NAALADL2: variants seen among roughly 807,000 people sequenced by gnomAD.
The protein encoded by NAALADL2 is inactive N-acetylated-alpha-linked acidic dipeptidase-like protein 2.
A neutral mutation model predicts 87.2 loss-of-function variants in NAALADL2; 76 were observed. The observed-to-expected ratio is 0.87, with a 90% CI of 0.72 to 1.05. The LOEUF (loss-of-function observed/expected upper bound fraction) is 1.05. Ranked by LOEUF, NAALADL2 falls within the 50% of genes least tolerant of loss-of-function variation. The pLI, the probability that NAALADL2 is intolerant of heterozygous loss-of-function variation, is 0.00. For synonymous variants in NAALADL2, 354 were observed against 331.0 expected, an observed-to-expected ratio of 1.07 and a Z score of -0.75; for missense variants, 1,089 against 945.8, an observed-to-expected ratio of 1.15 and a Z score of -1.99.
chr3:175,356,610 A>AATAATAATAAT (rs1430053359), intron 5 of NAALADL2, among the ~76,000 whole-genome samples: 2 of 118,330 alleles, frequency 1.7e-5, no homozygotes, highest in Non-Finnish European at 3.9e-5. Flanking sequence ...TAATAATAAT[A>AATAATAATAAT]AAGAAATAAA....
rs66682761 is a variant in NAALADL2, at chr3:175,137,607, C to CT, written c.545+40332dup. Among the ~76,000 whole-genome samples the CT allele has an allele frequency of 8.9e-4, 119 of 134,422 alleles. 1 individual carries two copies. Among genetic ancestry groups the CT allele is most frequent in the African/African-American group, 2.4e-3 (86 of 36,582 alleles). The allele number at this position is 134,422 out of a possible 152,430, so 88.2% of individuals were successfully genotyped here. A position where few individuals can be genotyped will look rare whatever the true frequency, so the allele number is the denominator to read the frequency against. Reference sequence around the variant, plus strand: ...GAATTAATATGACAAGAGATTGACCCTTTTTTTTTTTTTTTTGAGACAGAG... The same window carrying CT: ...GAATTAATATGACAAGAGATTGACCCTTTTTTTTTTTTTTTTTGAGACAGAG... On this transcript the variant is annotated intron_variant, in intron 2 of 13. Transcript: ENST00000454872.
At chr3:175,727,776 A>C (rs1743128390) in intron 11 of NAALADL2, among the ~76,000 whole-genome samples, 1 of 152,166 alleles carries the variant, frequency 6.6e-6, no homozygotes, top group Non-Finnish European at 1.5e-5. Flanking sequence ...AGTGGAAGCA[A>C]GGCCTTTGGC....
At chr3:175,358,870 T>G (rs1764676915) in intron 5 of NAALADL2, among the ~76,000 whole-genome samples, 1 of 152,130 alleles carries the variant, frequency 6.6e-6, no homozygotes, top group Non-Finnish European at 1.5e-5. Flanking sequence ...TTAAAAGGTT[T>G]AGGGCCATGC....
chr3:175,507,582 C>T (rs913000831), intron 9 of NAALADL2, among the ~76,000 whole-genome samples: 4 of 151,968 alleles, frequency 2.6e-5, no homozygotes, highest in African/African-American at 2.4e-5. Flanking sequence ...GTAACCATGC[C>T]GAACTAATTT....
chr3:174,787,855 G>A (rs1455097600), intron 3 of NAALADL2, among the ~76,000 whole-genome samples: 3 of 151,470 alleles, frequency 2.0e-5, no homozygotes, highest in African/African-American at 7.3e-5. Flanking sequence ...AGTTGGAAAA[G>A]AAGTAGATTC....
chr3:175,780,342 C>T (rs927831448), intron 13 of NAALADL2, among the ~76,000 whole-genome samples: 28 of 151,710 alleles, frequency 1.8e-4, no homozygotes, highest in Admixed American at 5.9e-4. Context: ...AAACACAACA[C>T]ACTACACACA....
intron 11 of NAALADL2, among the ~76,000 whole-genome samples, chr3:175,702,496 T>G (rs1739132004): frequency 6.6e-6 from 1 of 152,104 alleles, no homozygotes; most frequent in Non-Finnish European, 1.5e-5. Flanking sequence ...AAAGAATCAC[T>G]GCCTACAAAG....
intron 1 of NAALADL2, among the ~76,000 whole-genome samples, chr3:174,492,520 C>T (rs569636918): frequency 1.0e-4 from 14 of 137,074 alleles, no homozygotes; most frequent in African/African-American, 3.4e-4. Flanking sequence ...CCATGAGGGA[C>T]ACCTACTATA....
chr3:174,703,648 C>T (rs1289124546), intron 2 of NAALADL2, among the ~76,000 whole-genome samples: 1 of 152,056 alleles, frequency 6.6e-6, no homozygotes, highest in East Asian at 1.9e-4. Context: ...ATGGTCTGAA[C>T]ATTTTTTAAT....
rs566823905 is a variant in NAALADL2 at position 174,693,963 on chromosome 3, A to G, written c.-114-43678A>G. ...ATCCATTTGCCAGAATTAACATTGG[A>G]ACTGGAAAGCTGTAGTTTCTTCTCT... On this transcript the variant is annotated intron_variant, in intron 2 of 3. Coordinates refer to the NAALADL2 transcript ENST00000434257. 5.3e-4 allele frequency among the ~76,000 whole-genome samples: 81 copies of G among 152,144 alleles called. 1 individual carries two copies. Among genetic ancestry groups the G allele is most frequent in the Non-Finnish European group, 1.6e-4 (11 of 67,966 alleles).
chr3:175,027,228 A>G (rs1017828255), intron 1 of NAALADL2, among the ~76,000 whole-genome samples: 2 of 152,150 alleles, frequency 1.3e-5, no homozygotes, highest in Non-Finnish European at 2.9e-5. Flanking sequence ...GTGCAGATAT[A>G]TCTAGTAAAA....
At chr3:175,469,335 A>G (rs1724543562) in intron 8 of NAALADL2, among the ~76,000 whole-genome samples, 1 of 150,430 alleles carries the variant, frequency 6.6e-6, no homozygotes, top group African/African-American at 2.5e-5. Context: ...AATCCTGAGA[A>G]TGAAAGAGTT....
chr3:175,024,095 T>C (rs13433889), intron 1 of NAALADL2, among the ~76,000 whole-genome samples: 23,060 of 152,030 alleles, frequency 0.15, 2,415 homozygotes, highest in African/African-American at 0.3. Flanking sequence ...AAAAAAAGGA[T>C]AATGACATCA....
intron 3 of NAALADL2, among the ~76,000 whole-genome samples, chr3:174,806,395 T>C (rs752616344): frequency 5.3e-5 from 8 of 152,148 alleles, no homozygotes; most frequent in Non-Finnish European, 1.2e-4. Flanking sequence ...AGTCGGTCAA[T>C]GGATGTGGGA....
rs752274603 is a variant in NAALADL2, at chr3:175,755,267, C to T, written c.2038C>T (p.Arg680Trp). The T allele has an allele frequency of 1.5e-5, 24 of 1,613,320 alleles. No homozygotes were observed. Among genetic ancestry groups the T allele is most frequent in the East Asian group, 2.2e-5 (1 of 44,846 alleles). ...ACTGTTAGCCATGGCGTTACGCCTG[C>T]GGGAGAGTGCTGAACTTTTTCAGTC... Reference protein sequence around the residue: ...HQLLAMALRLRESAELFQSDE... With the variant: ...HQLLAMALRLWESAELFQSDE... Residue 680 changes from arginine (R) to tryptophan (W), a missense_variant, in exon 13 of 14, where the codon CGG becomes TGG. By Grantham distance (101) the Arg-to-Trp change is moderately radical. Transcript: ENST00000454872.
At chr3:174,886,941 G>T (rs960785105) in intron 1 of NAALADL2, among the ~76,000 whole-genome samples, 1 of 152,122 alleles carries the variant, frequency 6.6e-6, no homozygotes, top group Non-Finnish European at 1.5e-5. Context: ...AGTAAGCAAA[G>T]AAGTAAATCC....
intron 2 of NAALADL2, among the ~76,000 whole-genome samples, chr3:174,704,063 G>A (rs984176279): frequency 3.9e-5 from 6 of 152,074 alleles, no homozygotes; most frequent in Admixed American, 1.3e-4. Flanking sequence ...TTATTCTAAC[G>A]GAATAGGCTA....
chr3:175,754,095 A>C (rs80212242), intron 12 of NAALADL2, among the ~76,000 whole-genome samples: 1,863 of 152,288 alleles, frequency 0.012, 31 homozygotes, highest in African/African-American at 0.043. Flanking sequence ...ACATGATAAG[A>C]GAGTGATTTT....
chr3:174,946,349 G>C (rs144171760), intron 1 of NAALADL2, among the ~76,000 whole-genome samples: 300 of 152,166 alleles, frequency 2.0e-3, no homozygotes, highest in Middle Eastern at 3.4e-3. Context: ...AGAATCTATG[G>C]TAAAGATGGC....
Sources: allele counts gnomAD v4.1 joint callset (sites outside exome capture counted in the v4.1 genomes callset), GRCh38; gene constraint gnomAD v4.1.1; transcripts MANE v1.5; gene names NCBI Gene and HGNC (gene_info 2026-07-23, HGNC 2026-07-21).